DNAJC17: variants seen among roughly 807,000 people sequenced by gnomAD.
The protein encoded by DNAJC17 is DnaJ heat shock protein family (Hsp40) member C17.
DNAJC17 carries 35 observed loss-of-function variants against 48.1 expected under a neutral mutation model. That is an observed-to-expected ratio of 0.73 (90% CI 0.56 to 0.96). The LOEUF is 0.96. Among genes scored for constraint, DNAJC17 ranks in the 50% least tolerant of loss-of-function variants. DNAJC17 has a pLI of 0.00. For synonymous variants in DNAJC17, 117 were observed against 142.7 expected (o/e 0.82, Z 1.28); for missense variants, 355 against 377.1 (o/e 0.94, Z 0.48).
At chr15:40,771,011 G>A in intron 10 of DNAJC17, 1 of 1,550,646 alleles carries the variant, frequency 6.4e-7, no homozygotes, top group Non-Finnish European at 8.7e-7. Context: ...TTCCTAGCGA[G>A]CCCAGCTTCT....
chr15:40,807,228 G>A (rs1489723826), intron 1 of DNAJC17, 141 bp downstream of exon 1: 1 of 1,546,096 alleles, frequency 6.5e-7, no homozygotes, highest in Non-Finnish European at 8.7e-7. Context: ...GAGCCCGCCT[G>A]CGGAGGGCAT....
At chr15:40,787,816 C>T (rs563136436) in intron 1 of DNAJC17, among the ~76,000 whole-genome samples, 2 of 152,162 alleles carry the variant, frequency 1.3e-5, no homozygotes, top group East Asian at 3.9e-4. Flanking sequence ...TCCTGACTCA[C>T]CCAAAAAAGC....
At chr15:40,793,941 A>G (rs1317502259) in intron 1 of DNAJC17, among the ~76,000 whole-genome samples, 1 of 152,152 alleles carries the variant, frequency 6.6e-6, no homozygotes, top group Non-Finnish European at 1.5e-5. Flanking sequence ...TTTCTTAACT[A>G]TAACTGCTAA....
At chr15:40,782,620 T>C (rs1333720496) in intron 1 of DNAJC17, among the ~76,000 whole-genome samples, 1 of 152,006 alleles carries the variant, frequency 6.6e-6, no homozygotes, top group East Asian at 1.9e-4. Flanking sequence ...TCAAACCTCC[T>C]GGAGGAAGAG....
chr15:40,785,396 T>G (rs537069483), intron 1 of DNAJC17, among the ~76,000 whole-genome samples: 1 of 152,286 alleles, frequency 6.6e-6, no homozygotes, highest in South Asian at 2.1e-4. Context: ...AGATGTATTT[T>G]CAAATTCGGA....
rs930357263 is a variant in DNAJC17 at position 40,770,009 on chromosome 15, C to T, written c.793-1947G>A. 4.5e-5 allele frequency: 7 copies of T among 157,126 alleles called. No individual in the cohort carries two copies. Among genetic ancestry groups the T allele is most frequent in the African/African-American group, 7.2e-5 (3 of 41,472 alleles). 9.7% of individuals were successfully genotyped at this position (157,126 alleles called of 1,614,324 possible). A position where few individuals can be genotyped will look rare whatever the true frequency, so the allele number is the denominator to read the frequency against. ...AGGCCACTCATCAGAGTCCGGGAGC[C>T]ACTGGCAGAGAGGGCACGGCCCCAC... On this transcript the variant is annotated intron_variant, in intron 10 of 10. Transcript: ENST00000220496. The surrounding 1 kb of genome is among the most constrained non-coding windows in gnomAD (Gnocchi z 5.0).
intron 1 of DNAJC17, among the ~76,000 whole-genome samples, chr15:40,787,937 A>C (rs1394380614): frequency 6.6e-6 from 1 of 152,232 alleles, no homozygotes; most frequent in Non-Finnish European, 1.5e-5. Flanking sequence ...CTTTCTTGTA[A>C]TAAAGCTTGG....
intron 1 of DNAJC17, chr15:40,780,221 C>G: frequency 1.5e-6 from 1 of 655,704 alleles, no homozygotes; most frequent in Non-Finnish European, 2.8e-6. Flanking sequence ...CTGCTAAGTG[C>G]TCAACCTCAC....
chr15:40,795,739 A>T (rs1315643355), intron 1 of DNAJC17, among the ~76,000 whole-genome samples: 1 of 151,994 alleles, frequency 6.6e-6, no homozygotes, highest in Non-Finnish European at 1.5e-5. Flanking sequence ...TACTAAAAAT[A>T]CAAAAATTAG....
Position 40,770,694 on chromosome 15 carries a change from T to TG in DNAJC17, c.793-2633dup, listed in dbSNP as rs1261950120. 4 of 1,547,942 alleles carry TG rather than the reference T, an allele frequency of 2.6e-6. No individual in the cohort carries two copies. The highest frequency in any genetic ancestry group is 3.5e-6 in the Non-Finnish European group (4 of 1,146,938). On this transcript the variant is annotated intron_variant, in intron 10 of 10. Transcript: ENST00000220496. This position sits in a 1 kb window ranked among gnomAD's most constrained non-coding sequence, Gnocchi z 5.0. Reference sequence around the variant, plus strand: ...GCCAGATGGCCGGCGCCTGCCACTGTGGGGGGACGAGCAGCCCCGGGCCAC... The same window carrying TG: ...GCCAGATGGCCGGCGCCTGCCACTGTGGGGGGGACGAGCAGCCCCGGGCCAC...
chr15:40,797,717 CTTT>C (rs538219563), intron 1 of DNAJC17, among the ~76,000 whole-genome samples: 2 of 98,956 alleles, frequency 2.0e-5, no homozygotes, highest in Admixed American at 1.2e-4. Flanking sequence ...TGGCCGATCT[CTTT>C]TTTTTTTTTT....
chr15:40,770,482 C>A lies in DNAJC17; in HGVS notation c.793-2420G>T. ...CTGCTCCTGAACACCTGTCTGCTGG[C>A]TCCCCTGGGCCCCATGGAGACCTGG... is the stretch of plus-strand genomic sequence containing the variant. On this transcript the variant is annotated intron_variant, in intron 10 of 10. Transcript: ENST00000220496. The surrounding 1 kb of genome is among the most constrained non-coding windows in gnomAD (Gnocchi z 5.0). 1 of 1,540,270 alleles carries A rather than the reference C, an allele frequency of 6.5e-7. No individual in the cohort carries two copies. The highest frequency in any genetic ancestry group is 8.8e-7 in the Non-Finnish European group (1 of 1,142,312).
chr15:40,773,519 A>G (rs1889217513), intron 10 of DNAJC17, among the ~76,000 whole-genome samples: 1 of 152,184 alleles, frequency 6.6e-6, no homozygotes, highest in African/African-American at 2.4e-5. Context: ...GCAAGGTCTA[A>G]GAATACAGTG....
rs150565430 is a variant in DNAJC17, at chr15:40,796,605, T to C, written c.78+10764A>G. ...ATCCAAAGAAAACAGAAAATTTAAG[T>C]GTGGAAAGGATGTGGAGAAAATGGA... On this transcript the variant is annotated intron_variant, in intron 1 of 10. Coordinates refer to ENST00000220496, the MANE Select transcript of DNAJC17 (RefSeq NM_018163.3). Among the ~76,000 whole-genome samples the C allele has an allele frequency of 1.2e-3, 178 of 152,206 alleles. 2 individuals carry two copies. In the East Asian group the frequency reaches 0.022, roughly 18 times the overall value.
intron 1 of DNAJC17, among the ~76,000 whole-genome samples, chr15:40,793,175 G>GA (rs955690691): frequency 4.7e-4 from 24 of 51,006 alleles, no homozygotes; most frequent in Non-Finnish European, 1.1e-3. Flanking sequence ...TTACAGGCGT[G>GA]AGCACCGTGC....
intron 8 of DNAJC17, 26 bp downstream of exon 8, chr15:40,775,005 A>C (rs185773578): frequency 6.2e-7 from 1 of 1,613,584 alleles, no homozygotes; most frequent in Non-Finnish European, 8.5e-7. Flanking sequence ...AGATGATAGG[A>C]AAGAGTGGAC....
chr15:40,804,224 C>T (rs1205237043), intron 1 of DNAJC17, among the ~76,000 whole-genome samples: 1 of 152,038 alleles, frequency 6.6e-6, no homozygotes, highest in African/African-American at 2.4e-5. Flanking sequence ...TCCACCTTGG[C>T]CTCCCAAAGT....
In DNAJC17 at chr15:40,767,572, C is replaced by G. The variant is rs1447958434; in HGVS notation, c.*368G>C. ...CCTGGTGCTCCCAGCTGCCCTCCTG[C>G]TTCGGGCCTGGGCCGAGGGCCTTGT... On this transcript the variant is annotated 3_prime_UTR_variant, in exon 11 of 11. Coordinates refer to ENST00000220496, the MANE Select transcript of DNAJC17 (RefSeq NM_018163.3). 3.3e-6 allele frequency: 2 copies of G among 609,010 alleles called. No individual in the cohort carries two copies. The highest frequency in any genetic ancestry group is 3.9e-5 in the African/African-American group (2 of 51,868). 37.7% of individuals were successfully genotyped at this position (609,010 alleles called of 1,614,324 possible).
At chr15:40,776,729 C>T (rs1889338240) in intron 4 of DNAJC17, 102 bp from the exon 5 acceptor site, 12 of 1,130,526 alleles carry the variant, frequency 1.1e-5, no homozygotes, top group South Asian at 6.4e-5. Flanking sequence ...TCAATCACGA[C>T]GAGATCATAC....
Sources: gnomAD v4.1 joint callset for allele counts (sites outside exome capture counted in the v4.1 genomes callset) on GRCh38, gnomAD v4.1.1 for gene constraint, Gnocchi (gnomAD v3.1) non-coding constraint, MANE v1.5 for transcripts, NCBI Gene and HGNC (gene_info 2026-07-23, HGNC 2026-07-21) for gene names.